The following POLG variants were observed in gnomAD, a reference collection of about 807,000 sequenced individuals.
POLG encodes DNA polymerase subunit gamma-1.
POLG carries 110 observed loss-of-function variants against 155.4 expected under a neutral mutation model. The ratio of observed to expected loss-of-function variants is 0.71; its 90% CI spans 0.61 to 0.83. The LOEUF is 0.83. POLG is among the 40% of genes least tolerant of loss of function. The pLI, the probability that POLG is intolerant of heterozygous loss-of-function variation, is 0.00. For missense variants in POLG, 1,685 were observed against 1,627.5 expected, an observed-to-expected ratio of 1.04 and a Z score of -0.61; for synonymous variants, 701 against 631.5, an observed-to-expected ratio of 1.11 and a Z score of -1.65.
At position 89,320,850 on chromosome 15, in the gene POLG, A is replaced by G; in HGVS notation, c.2897T>C (p.Leu966Pro). 6.2e-7 allele frequency: 1 copy of G among 1,614,034 alleles called. No individual in the cohort carries two copies. Among genetic ancestry groups the G allele is most frequent in the Non-Finnish European group, 8.5e-7 (1 of 1,180,014 alleles). Residue 966 changes from leucine to proline, a missense_variant, in exon 18 of 23, where the codon CTA becomes CCA. By Grantham distance (98) the Leu-to-Pro change is moderately conservative. This residue lies in a region of POLG where 470 missense variants were observed against 439.9 expected (regional missense o/e 1.07). Coordinates refer to ENST00000268124, the MANE Select transcript of POLG (RefSeq NM_002693.3). ...GAGQPFAERL[L>P]MQFNHRLTQQ... is the part of the protein sequence containing the mutation. ...TGTGAGCCGGTGGTTAAACTGCATT[A>G]GTAAGCGCTCAGCAAAGGGCTGCCC...
chr15:89,329,427 G>C (rs2055566766), intron 3 of POLG, among the ~76,000 whole-genome samples: 1 of 152,100 alleles, frequency 6.6e-6, no homozygotes, highest in Non-Finnish European at 1.5e-5. Context: ...CCAAAATAAA[G>C]CCTTCAGGGC....
At position 89,326,734 on chromosome 15, in the gene POLG, G is replaced by A. The variant is rs141422952; in HGVS notation, c.1590C>T (p.Leu530=). ...ACTCCTCCTCCTCACTGCAGGGGCC[G>A]AGGTCTGTGAGGGTGGGGGAAGACA... ...APGDPMDQED[L]GPCSEEEEFQ... Residue 530 remains leucine (L), a synonymous_variant, in exon 9 of 23, where the codon CTC becomes CTT. Transcript: ENST00000268124. 22 of 1,613,896 alleles carry A rather than the reference G, an allele frequency of 1.4e-5. No homozygotes were observed. The highest frequency in any genetic ancestry group is 2.2e-5 in the South Asian group (2 of 91,090).
rs1285620593 is a variant in POLG, at chr15:89,324,238, A to G, written c.1950-11T>C. ...AGGGACTCGATGGCTCTGGGCAGAGAACAGTAGCAGCAGCAGCCGCTGATT... is the reference window on the plus strand; with the variant it reads ...AGGGACTCGATGGCTCTGGGCAGAGGACAGTAGCAGCAGCAGCCGCTGATT... On this transcript the variant is annotated splice_polypyrimidine_tract_variant and intron_variant, in intron 10 of 22. Transcript: ENST00000268124. 1 of 1,611,496 alleles carries G rather than the reference A, an allele frequency of 6.2e-7. No homozygotes were observed. Among genetic ancestry groups the G allele is most frequent in the African/African-American group, 1.3e-5 (1 of 75,048 alleles).
At chr15:89,317,066 G>A in intron 22 of POLG, 1 of 591,170 alleles carries the variant, frequency 1.7e-6, no homozygotes, top group East Asian at 2.9e-5. Flanking sequence ...TTAAAGCACA[G>A]TTTGTTTTTC....
At chr15:89,323,973 C>T (rs1021925406) in intron 11 of POLG, 72 bp from the exon 12 acceptor site, 4 of 1,538,426 alleles carry the variant, frequency 2.6e-6, no homozygotes, top group East Asian at 2.2e-5. Context: ...CCCCTCCCTG[C>T]ATGGTACTCA....
rs1374175231 is a variant in POLG, at chr15:89,323,384, G to A, written c.2265+20C>T. On this transcript the variant is annotated intron_variant, in intron 13 of 22. Transcript: ENST00000268124. ...CAGAATGAGGAAACACCACAGGACA[G>A]GCCATGACCCAGGACACACCTTGTG... The A allele has an allele frequency of 1.3e-6, 2 of 1,508,438 alleles. No homozygotes were observed. Among genetic ancestry groups the A allele is most frequent in the Non-Finnish European group, 1.8e-6 (2 of 1,083,828 alleles). The allele number at this position is 1,508,438 out of a possible 1,614,324, so 93.4% of individuals were successfully genotyped here. A position where few individuals can be genotyped will look rare whatever the true frequency, so the allele number is the denominator to read the frequency against.
At position 89,330,162 on chromosome 15, in the gene POLG, C is replaced by G; in HGVS notation, c.774G>C (p.Gln258His). 8 of 1,614,042 alleles carry G rather than the reference C, an allele frequency of 5.0e-6. No individual in the cohort carries two copies. The highest frequency in any genetic ancestry group is 6.8e-6 in the Non-Finnish European group (8 of 1,180,016). The change falls in exon 3 of 23, where the codon CAG (glutamine) becomes CAC (histidine). Residue 258 changes from glutamine (Q) to histidine (H), a missense_variant. Coordinates refer to ENST00000268124, the MANE Select transcript of POLG (RefSeq NM_002693.3). ...CCACTAACTGCTCCTGCCAGTCTCT[C>G]TGGGTGGGGCTGCTGGCACCAGTAG... is the stretch of plus-strand genomic sequence containing the variant. ...EVPTGASSPT[Q>H]RDWQEQLVVG...
Position 89,333,535 on chromosome 15 carries a change from A to T in POLG, c.220T>A (p.Leu74Met). The change falls in exon 2 of 23, where the codon TTG (leucine) becomes ATG (methionine). Residue 74 changes from leucine (L) to methionine (M), a missense_variant. Physicochemically the swap from Leu to Met is conservative, Grantham distance 15. Around this residue, in one of 3 missense-constraint regions of POLG, gnomAD observed 1,210 missense variants for 1,167.1 expected, o/e 1.04. Coordinates refer to ENST00000268124, the MANE Select transcript of POLG (RefSeq NM_002693.3). The stretch of plus-strand genomic sequence containing the variant: ...CCTCTCGAGAGCATCTGGATGTCCA[A>T]TGGGTTGTGCCGCAGCTGCCCGCCC... ...SEGGQLRHNP[L>M]DIQMLSRGLH... 1.2e-6 allele frequency: 2 copies of T among 1,612,776 alleles called. No homozygotes were observed. Among genetic ancestry groups the T allele is most frequent in the East Asian group, 2.2e-5 (1 of 44,868 alleles).
intron 9 of POLG, 25 bp from the exon 10 acceptor site, chr15:89,325,711 G>A: frequency 6.5e-7 from 1 of 1,530,606 alleles, no homozygotes; most frequent in African/African-American, 1.4e-5. Flanking sequence ...GAAGACAGCA[G>A]TGTCACGATG....
In POLG at chr15:89,316,531, T is replaced by C; in HGVS notation, c.*220A>G. 6.9e-7 allele frequency: 1 copy of C among 1,445,458 alleles called. No homozygotes were observed. The highest frequency in any genetic ancestry group is 9.6e-7 in the Non-Finnish European group (1 of 1,044,708). 89.5% of individuals were successfully genotyped at this position (1,445,458 alleles called of 1,614,324 possible). A position where few individuals can be genotyped will look rare whatever the true frequency, so the allele number is the denominator to read the frequency against. On this transcript the variant is annotated 3_prime_UTR_variant, in exon 23 of 23. Coordinates refer to ENST00000268124, the MANE Select transcript of POLG (RefSeq NM_002693.3). ...TTACCCAACAAGCAACAATGCCCCT[T>C]GTCCTGTAGTCCACACCGATGTTGG...
chr15:89,327,371 CT>C lies in POLG; in HGVS notation c.1251-23del, dbSNP rs541579481. 1.2e-3 allele frequency: 1,872 copies of C among 1,611,072 alleles called. 1 individual carries two copies. The highest frequency in any genetic ancestry group is 1.5e-3 in the Non-Finnish European group (1,798 of 1,179,436). On this transcript the variant is annotated intron_variant, in intron 6 of 22. Transcript: ENST00000268124. ...ACACCTTGGAGGCAAACACCAGGAG[CT>C]GCCATAAATGACCACAGGAGGCAAG...
Position 89,328,832 on chromosome 15 carries a change from C to A in POLG, c.1024-1G>T. 1 of 1,614,110 alleles carries A rather than the reference C, an allele frequency of 6.2e-7. No individual in the cohort carries two copies. Among genetic ancestry groups the A allele is most frequent in the Non-Finnish European group, 8.5e-7 (1 of 1,180,046 alleles). ...TGTCCAGCCAGTCCCAGGATGAGAT[C>A]TGGGGAACCAGAGCAAGGGACATGG... On this transcript the variant is annotated splice_acceptor_variant, in intron 4 of 22. Coordinates refer to ENST00000268124, the MANE Select transcript of POLG (RefSeq NM_002693.3). LOFTEE classifies it high-confidence loss of function.
In POLG at chr15:89,328,474, AGCT is replaced by A. The variant is rs765446994; in HGVS notation, c.1229_1231del (p.Gln410del). On this transcript the variant is annotated inframe_deletion, in exon 6 of 23. Coordinates refer to ENST00000268124, the MANE Select transcript of POLG (RefSeq NM_002693.3). The stretch of plus-strand genomic sequence containing the variant: ...CCCTCACCTCTCCAAGAAGAGCGGT[AGCT>A]GCTGCTGGAAAACCTCATGGGTGGC... 6.2e-7 allele frequency: 1 copy of A among 1,613,758 alleles called. No individual in the cohort carries two copies. Among genetic ancestry groups the A allele is most frequent in the Admixed American group, 1.7e-5 (1 of 60,018 alleles).
chr15:89,329,198 A>T (rs2055563669), intron 3 of POLG, 88 bp from the exon 4 acceptor site: 11 of 1,137,430 alleles, frequency 9.7e-6, no homozygotes, highest in Non-Finnish European at 1.4e-5. Context: ...GTGGACCTCC[A>T]GCCCCACCTC....
rs1382145186 is a variant in POLG at position 89,333,214 on chromosome 15, C to T, written c.541G>A (p.Glu181Lys). ...WAEGWTRYGPEGEAVPVAIPE... is the reference protein window; with the variant it reads ...WAEGWTRYGPKGEAVPVAIPE... ...ATGGCCACGGGTACGGCCTCCCCCT[C>T]GGGGCCGTACCGGGTCCAGCCCTCC... The change falls in exon 2 of 23, where the codon GAG (glutamate) becomes AAG (lysine). Residue 181 changes from glutamate to lysine, a missense_variant. Transcript: ENST00000268124. 1 of 1,576,538 alleles carries T rather than the reference C, an allele frequency of 6.3e-7. No homozygotes were observed. Among genetic ancestry groups the T allele is most frequent in the Non-Finnish European group, 8.6e-7 (1 of 1,157,878 alleles).
chr15:89,328,451 C>A lies in POLG; in HGVS notation c.1250+5G>T, dbSNP rs751221993. 8.7e-6 allele frequency: 14 copies of A among 1,611,766 alleles called. No homozygotes were observed. Among genetic ancestry groups the A allele is most frequent in the Non-Finnish European group, 1.7e-6 (2 of 1,178,376 alleles). On this transcript the variant is annotated splice_donor_5th_base_variant and intron_variant, in intron 6 of 22. Transcript: ENST00000268124. ...CCAGAGATTCCCACATGGGCTCCCCCTCACCTCTCCAAGAAGAGCGGTAGC... is the reference window on the plus strand; with the variant it reads ...CCAGAGATTCCCACATGGGCTCCCCATCACCTCTCCAAGAAGAGCGGTAGC...
intron 8 of POLG, 35 bp from the exon 9 acceptor site, chr15:89,326,773 G>C: frequency 6.2e-7 from 1 of 1,613,920 alleles, no homozygotes; most frequent in Non-Finnish European, 8.5e-7. Flanking sequence ...AGGAGCAGGA[G>C]AAGGAACTCT....
chr15:89,318,861 A>G, intron 20 of POLG, 70 bp downstream of exon 20: 2 of 1,581,060 alleles, frequency 1.3e-6, no homozygotes, highest in Non-Finnish European at 1.7e-6. Context: ...AACATTGGTA[A>G]GGTCCACAGG....
intron 14 of POLG, among the ~76,000 whole-genome samples, chr15:89,322,256 G>C (rs368994373): frequency 6.6e-6 from 1 of 152,162 alleles, no homozygotes; most frequent in African/African-American, 2.4e-5. Context: ...CTCCTCTCCG[G>C]GGGGCATCCA....
Sources: gnomAD v4.1 joint callset for allele counts (sites outside exome capture counted in the v4.1 genomes callset) on GRCh38, gnomAD v4.1.1 for gene constraint, gnomAD v4.1.1 regional missense constraint, MANE v1.5 for transcripts, NCBI Gene and HGNC (gene_info 2026-07-23, HGNC 2026-07-21) for gene names.